Variants in CDH13 observed in about 807,000 individuals in gnomAD.
The protein encoded by CDH13 is cadherin 13.
Under a neutral mutation model 63.8 loss-of-function variants are expected in CDH13, and 24 were observed. The observed-to-expected ratio is 0.38, with a 90% confidence interval of 0.27 to 0.53. The LOEUF is 0.53. Ranked by LOEUF, CDH13 falls within the 20% of genes least tolerant of loss-of-function variation. The pLI is 0.85. For missense variants in CDH13, 1,049 were observed against 903.1 expected, an observed-to-expected ratio of 1.16 and a Z score of -2.07; for synonymous variants, 503 against 355.3, an observed-to-expected ratio of 1.42 and a Z score of -4.67.
chr16:83,065,978 A>T (rs1213620698), intron 3 of CDH13, among the ~76,000 whole-genome samples: 1 of 152,240 alleles, frequency 6.6e-6, no homozygotes, highest in Non-Finnish European at 1.5e-5. Context: ...GTCCAGGTAT[A>T]AAACAACCAC....
intron 4 of CDH13, among the ~76,000 whole-genome samples, chr16:83,174,672 A>T (rs1348116233): frequency 6.6e-6 from 1 of 152,124 alleles, no homozygotes; most frequent in Non-Finnish European, 1.5e-5. Context: ...CATATGTATT[A>T]GTCTGTTTTC....
intron 7 of CDH13, among the ~76,000 whole-genome samples, chr16:83,588,295 C>T (rs542014309): frequency 6.0e-4 from 92 of 152,224 alleles, no homozygotes; most frequent in Non-Finnish European, 1.1e-3. Flanking sequence ...CCCATGCCTG[C>T]CTTTGGACCT....
chr16:82,969,293 T>A (rs1908340660), intron 2 of CDH13, among the ~76,000 whole-genome samples: 1 of 152,078 alleles, frequency 6.6e-6, no homozygotes, highest in Admixed American at 6.6e-5. Context: ...CTATACACGA[T>A]ACATAAAAGA....
chr16:83,777,376 G>A (rs1344508529), intron 11 of CDH13, among the ~76,000 whole-genome samples: 2 of 152,214 alleles, frequency 1.3e-5, no homozygotes, highest in Middle Eastern at 3.2e-3. Flanking sequence ...CCATGACTTT[G>A]CATGTAGAGC....
At position 83,486,547 on chromosome 16, in the gene CDH13, T is replaced by C. The variant is rs1213856021; in HGVS notation, c.852T>C (p.Tyr284=). ...CCACCGATAATGCCCTCCTGCGGTA[T>C]AATATCCGTCAGCAGACGCCTGACA... is the stretch of plus-strand genomic sequence containing the variant. ...DPATDNALLR[Y]NIRQQTPDKP... Residue 284 remains tyrosine, a synonymous_variant, in exon 7 of 14, where the codon TAT becomes TAC. Coordinates refer to ENST00000567109, the MANE Select transcript of CDH13 (RefSeq NM_001257.5). 7 of 1,613,942 alleles carry C rather than the reference T, an allele frequency of 4.3e-6. No homozygotes were observed. The East Asian group carries it at 1.1e-4, about 26-fold the overall frequency.
intron 1 of CDH13, among the ~76,000 whole-genome samples, chr16:82,774,870 C>G (rs1249819356): frequency 6.6e-6 from 1 of 152,176 alleles, no homozygotes; most frequent in Admixed American, 6.5e-5. Context: ...TATGGCTCCT[C>G]TGTTACCAAA....
At chr16:83,447,071 AAAAC>A (rs1234095762) in intron 6 of CDH13, among the ~76,000 whole-genome samples, 20 of 135,766 alleles carry the variant, frequency 1.5e-4, no homozygotes, top group African/African-American at 4.8e-4. Flanking sequence ...AAAAAAAAAA[AAAAC>A]AAAAAACACC....
chr16:82,889,160 C>G (rs1427806902), intron 2 of CDH13, among the ~76,000 whole-genome samples: 3 of 152,150 alleles, frequency 2.0e-5, no homozygotes, highest in African/African-American at 2.4e-5. Flanking sequence ...AGTATTCTTT[C>G]CTTTTGTTCA....
At chr16:82,716,084 G>A (rs1438121696) in intron 1 of CDH13, among the ~76,000 whole-genome samples, 2 of 152,196 alleles carry the variant, frequency 1.3e-5, no homozygotes, top group African/African-American at 4.8e-5. Flanking sequence ...GGTGAGATGA[G>A]TCCTTAGGAC....
intron 10 of CDH13, among the ~76,000 whole-genome samples, chr16:83,705,774 C>A (rs955070197): frequency 1.3e-5 from 2 of 152,190 alleles, no homozygotes; most frequent in Non-Finnish European, 2.9e-5. Flanking sequence ...ACCATTCATT[C>A]TACATCTGAC....
intron 7 of CDH13, among the ~76,000 whole-genome samples, chr16:83,507,759 G>A (rs1450570000): frequency 6.6e-6 from 1 of 152,042 alleles, no homozygotes; most frequent in Non-Finnish European, 1.5e-5. Flanking sequence ...ATGAGGGCAG[G>A]TGCGGTGGCT....
At chr16:83,127,151 A>C (rs566129980) in intron 4 of CDH13, among the ~76,000 whole-genome samples, 1 of 152,330 alleles carries the variant, frequency 6.6e-6, no homozygotes, top group African/African-American at 2.4e-5. Context: ...CATGTAGTAG[A>C]GTCGCAACAT....
intron 8 of CDH13, among the ~76,000 whole-genome samples, chr16:83,650,361 G>A (rs1360107414): frequency 6.6e-6 from 1 of 152,168 alleles, no homozygotes; most frequent in African/African-American, 2.4e-5. Context: ...GGCAACATCT[G>A]ATTCAATTAC....
At chr16:83,706,231 G>A (rs757165228) in intron 10 of CDH13, among the ~76,000 whole-genome samples, 2 of 152,124 alleles carry the variant, frequency 1.3e-5, no homozygotes, top group African/African-American at 2.4e-5. Flanking sequence ...ACAACATGGC[G>A]GCCAGGTTCC....
At chr16:83,322,831 CACA>C (rs2090260745) in intron 5 of CDH13, among the ~76,000 whole-genome samples, 1 of 152,100 alleles carries the variant, frequency 6.6e-6, no homozygotes, top group African/African-American at 2.4e-5. Flanking sequence ...CATTGGTGTT[CACA>C]ACAATGATTC....
chr16:83,527,176 G>A (rs997212443), intron 7 of CDH13, among the ~76,000 whole-genome samples: 3 of 151,860 alleles, frequency 2.0e-5, no homozygotes, highest in Non-Finnish European at 2.9e-5. Flanking sequence ...AAGGCTGGGC[G>A]TGCTGGCTCA....
At chr16:82,850,537 C>T (rs536125884) in intron 1 of CDH13, among the ~76,000 whole-genome samples, 4 of 152,094 alleles carry the variant, frequency 2.6e-5, no homozygotes, top group African/African-American at 9.7e-5. Flanking sequence ...GATTTAGAAT[C>T]GTACCTAAAC....
intron 1 of CDH13, among the ~76,000 whole-genome samples, chr16:82,628,565 T>A (rs1335665743): frequency 6.6e-6 from 1 of 152,142 alleles, no homozygotes; most frequent in African/African-American, 2.4e-5. Context: ...CTGAGCCCGC[T>A]CCCAAGCTCC....
At chr16:82,749,989 G>T (rs1350149005) in intron 1 of CDH13, among the ~76,000 whole-genome samples, 1 of 152,146 alleles carries the variant, frequency 6.6e-6, no homozygotes, top group Non-Finnish European at 1.5e-5. Flanking sequence ...TATGGGGAGG[G>T]TATTCCTGGG....
Sources: allele counts gnomAD v4.1 joint callset (sites outside exome capture counted in the v4.1 genomes callset), GRCh38; gene constraint gnomAD v4.1.1; transcripts MANE v1.5; gene names NCBI Gene and HGNC (gene_info 2026-07-23, HGNC 2026-07-21).